Variants in SGCD observed in about 807,000 individuals in gnomAD.
SGCD encodes the protein sarcoglycan delta.
In SGCD, 18 loss-of-function variants were observed where a neutral mutation model predicts 36.6. The observed-to-expected ratio is 0.49, with a 90% CI of 0.34 to 0.73. SGCD has a LOEUF of 0.73. SGCD is among the 30% of genes least tolerant of loss of function. The pLI, the probability that SGCD is intolerant of heterozygous loss-of-function variation, is 0.01. For missense variants in SGCD, 387 were observed against 346.7 expected (o/e 1.12, Z -0.92); for synonymous variants, 133 against 130.6 (o/e 1.02, Z -0.12).
At chr5:155,921,585 G>A (rs1437534400) in intron 1 of SGCD, among the ~76,000 whole-genome samples, 1 of 152,040 alleles carries the variant, frequency 6.6e-6, no homozygotes, top group African/African-American at 2.4e-5. Context: ...AAAGAAAGGG[G>A]AGGCTGAAGT....
intron 3 of SGCD, among the ~76,000 whole-genome samples, chr5:156,290,729 C>T (rs1395079590): frequency 6.6e-6 from 1 of 152,132 alleles, no homozygotes; most frequent in African/African-American, 2.4e-5. Context: ...TACCTCTTCT[C>T]TATCCATATG....
the SGCD span, among the ~76,000 whole-genome samples, chr5:155,848,837 G>C: frequency 6.6e-6 from 1 of 152,156 alleles, no homozygotes; most frequent in Non-Finnish European, 1.5e-5. Context: ...GATAAGGAAG[G>C]AAAGGGCCAT....
At chr5:156,048,571 G>A (rs1444622822) in intron 1 of SGCD, among the ~76,000 whole-genome samples, 17 of 152,138 alleles carry the variant, frequency 1.1e-4, no homozygotes, top group Non-Finnish European at 1.5e-5. Flanking sequence ...TTCTCTGATG[G>A]CCAGTGATGA....
At chr5:156,048,357 C>T (rs906571404) in intron 1 of SGCD, among the ~76,000 whole-genome samples, 2 of 152,154 alleles carry the variant, frequency 1.3e-5, no homozygotes, top group African/African-American at 4.8e-5. Flanking sequence ...ATGGCTGGGT[C>T]AAATGGTATT....
intron 4 of SGCD, among the ~76,000 whole-genome samples, chr5:156,568,922 G>A (rs1759604776): frequency 6.6e-6 from 1 of 152,160 alleles, no homozygotes; most frequent in East Asian, 1.9e-4. Flanking sequence ...AGAATACCAT[G>A]AAATCATTAT....
intron 7 of SGCD, among the ~76,000 whole-genome samples, chr5:156,671,231 G>T (rs1477678344): frequency 1.3e-5 from 2 of 148,222 alleles, no homozygotes; most frequent in Admixed American, 6.7e-5. Flanking sequence ...TCCAATTGGA[G>T]CTTTATCAAA....
chr5:156,558,088 AATATATAT>A (rs67339181), intron 4 of SGCD, among the ~76,000 whole-genome samples: 11,422 of 95,530 alleles, frequency 0.12, 877 homozygotes, highest in Admixed American at 0.19. Flanking sequence ...AGTAAATACA[AATATATAT>A]ATATATATAT....
intron 1 of SGCD, among the ~76,000 whole-genome samples, chr5:156,022,673 A>G (rs992867201): frequency 1.3e-5 from 2 of 152,204 alleles, no homozygotes; most frequent in Non-Finnish European, 2.9e-5. Flanking sequence ...ACCTGTTTTT[A>G]TAGAAAGGAA....
At chr5:156,002,849 C>T (rs573725286) in intron 1 of SGCD, among the ~76,000 whole-genome samples, 1 of 152,298 alleles carries the variant, frequency 6.6e-6, no homozygotes, top group African/African-American at 2.4e-5. Context: ...ACAAAAACTG[C>T]CTTAGAACAT....
rs1212708753 is a variant in SGCD, at chr5:156,058,504, G to GA, written c.-281-59374_-281-59373insA. The stretch of plus-strand genomic sequence containing the variant: ...GGCTGAGACTCAGCATTTCTAACGG[G>GA]CTTCCAGGAATGCTGCTGGCCCATC... On this transcript the variant is annotated intron_variant, in intron 1 of 9. Transcript: ENST00000517913. 4.9e-4 allele frequency among the ~76,000 whole-genome samples: 71 copies of GA among 145,880 alleles called. 3 individuals are homozygous for GA. Among genetic ancestry groups the GA allele is most frequent in the African/African-American group, 1.2e-3 (49 of 40,666 alleles).
intron 3 of SGCD, among the ~76,000 whole-genome samples, chr5:156,505,780 AACACACACACAC>A (rs56290159): frequency 6.7e-6 from 1 of 150,146 alleles, no homozygotes; most frequent in African/African-American, 2.5e-5. Context: ...ATATACACCA[AACACACACACAC>A]ACACACACAC....
rs727505092 is a variant in SGCD at position 156,344,530 on chromosome 5, T to A, written c.45T>A (p.Pro15=). 8.7e-6 allele frequency: 14 copies of A among 1,610,440 alleles called. No individual in the cohort carries two copies. Among genetic ancestry groups the A allele is most frequent in the Middle Eastern group, 1.6e-4 (1 of 6,070 alleles). The part of the protein sequence containing the change: ...EQYTHHRSTM[P]GSVGPQVYKV... ...ACACTCACCACCGGAGCACCATGCCTGGCTCTGTGGGGCCACAGGTATACA... is the reference window on the plus strand; with the variant it reads ...ACACTCACCACCGGAGCACCATGCCAGGCTCTGTGGGGCCACAGGTATACA... The change falls in exon 3 of 9, where the codon CCT becomes CCA. Residue 15 remains proline (P), a synonymous_variant. Transcript: ENST00000337851.
At chr5:156,268,044 G>T (rs1292022248) in intron 3 of SGCD, among the ~76,000 whole-genome samples, 2 of 152,054 alleles carry the variant, frequency 1.3e-5, no homozygotes, top group African/African-American at 4.8e-5. Flanking sequence ...GTATTCATGT[G>T]TTCTCATTAT....
At chr5:156,592,749 C>G (rs778441207) in intron 5 of SGCD, among the ~76,000 whole-genome samples, 1 of 152,114 alleles carries the variant, frequency 6.6e-6, no homozygotes, top group Non-Finnish European at 1.5e-5. Flanking sequence ...AGATGACTTC[C>G]GGGTTCCATC....
chr5:156,334,367 G>A (rs79179968), intron 2 of SGCD, among the ~76,000 whole-genome samples: 7,229 of 152,214 alleles, frequency 0.047, 325 homozygotes, highest in African/African-American at 0.11. Flanking sequence ...TTAAATCTGC[G>A]ATCAGATGTT....
chr5:156,460,384 G>A (rs1457779145), intron 3 of SGCD, among the ~76,000 whole-genome samples: 3 of 152,112 alleles, frequency 2.0e-5, no homozygotes, highest in Non-Finnish European at 2.9e-5. Flanking sequence ...TCATAATTGT[G>A]CATATGCTAA....
At chr5:156,071,047 G>T (rs796599108) in intron 1 of SGCD, among the ~76,000 whole-genome samples, 1 of 151,842 alleles carries the variant, frequency 6.6e-6, no homozygotes, top group Non-Finnish European at 1.5e-5. Context: ...TCTTGCTAGC[G>T]GTCTATCAAT....
At chr5:155,728,249 A>G in the SGCD span, among the ~76,000 whole-genome samples, 2 of 151,292 alleles carry the variant, frequency 1.3e-5, no homozygotes, top group Non-Finnish European at 1.5e-5. Context: ...GGACTCCGGC[A>G]CGTGGGCGCG....
At chr5:156,275,601 C>T (rs1035274698) in intron 3 of SGCD, among the ~76,000 whole-genome samples, 1 of 152,104 alleles carries the variant, frequency 6.6e-6, no homozygotes, top group African/African-American at 2.4e-5. Flanking sequence ...TACCAAAGAC[C>T]TCATTTCCTC....
Sources: gnomAD v4.1 joint callset for allele counts (sites outside exome capture counted in the v4.1 genomes callset) on GRCh38, gnomAD v4.1.1 for gene constraint, MANE v1.5 for transcripts, NCBI Gene and HGNC (gene_info 2026-07-23, HGNC 2026-07-21) for gene names.